KPNA5: variants seen among roughly 807,000 people sequenced by gnomAD.
KPNA5 encodes the protein importin subunit alpha-6.
KPNA5 carries 46 observed loss-of-function variants against 71.3 expected under a neutral mutation model. The observed-to-expected ratio is 0.65, with a 90% CI of 0.51 to 0.83. The LOEUF (loss-of-function observed/expected upper bound fraction) is 0.83, where lower values mean the gene tolerates loss of function less well. Among genes scored for constraint, KPNA5 ranks in the 40% least tolerant of loss-of-function variants. KPNA5 has a pLI of 0.00. For missense variants in KPNA5, 547 were observed against 628.3 expected (o/e 0.87, Z 1.38); for synonymous variants, 207 against 201.4 (o/e 1.03, Z -0.24).
intron 4 of KPNA5, among the ~76,000 whole-genome samples, chr6:116,698,283 G>A (rs1778103571): frequency 6.6e-6 from 1 of 151,962 alleles, no homozygotes; most frequent in Admixed American, 6.6e-5. Context: ...AAAGAATCTT[G>A]TTTGACAGAC....
chr6:116,732,346 A>T lies in KPNA5; in HGVS notation c.*23A>T, dbSNP rs377543275. ...TAACTTACTGGAGGAAAAAAAATTTATGGCTAAAAAGGGTAGCTTCAGGTA... is the reference window on the plus strand; with the variant it reads ...TAACTTACTGGAGGAAAAAAAATTTTTGGCTAAAAAGGGTAGCTTCAGGTA... On this transcript the variant is annotated 3_prime_UTR_variant, in exon 14 of 14. Coordinates refer to ENST00000368564, the MANE Select transcript of KPNA5 (RefSeq NM_001366306.2). 7.1e-7 allele frequency: 1 copy of T among 1,417,076 alleles called. No homozygotes were observed. Among genetic ancestry groups the T allele is most frequent in the Admixed American group, 2.4e-5 (1 of 42,272 alleles). The allele number at this position is 1,417,076 out of a possible 1,614,324, so 87.8% of individuals were successfully genotyped here.
At chr6:116,713,485 TTCTG>T (rs1778779406) in intron 7 of KPNA5, among the ~76,000 whole-genome samples, 1 of 152,200 alleles carries the variant, frequency 6.6e-6, no homozygotes, top group Non-Finnish European at 1.5e-5. Context: ...GCTTTCAAGA[TTCTG>T]TCTTTGTCTT....
chr6:116,726,554 T>C lies in KPNA5; in HGVS notation c.1185T>C (p.Phe395=). The C allele has an allele frequency of 6.2e-7, 1 of 1,612,568 alleles. No homozygotes were observed. Among genetic ancestry groups the C allele is most frequent in the Middle Eastern group, 1.7e-4 (1 of 6,050 alleles). ...VLIEILQKAE[F]RTRKEAAWAI... is the part of the protein sequence containing the mutation. ...TTGAGATTCTTCAGAAAGCAGAGTT[T>C]CGTACCAGAAAAGAAGCAGCTTGGG... Residue 395 remains phenylalanine (F), a synonymous_variant, in exon 12 of 14, where the codon TTT becomes TTC. Transcript: ENST00000368564.
At position 116,737,337 on chromosome 6, in the gene KPNA5, C is replaced by G. The variant is rs939339649; in HGVS notation, c.*5014C>G. Reference sequence around the variant, plus strand: ...TTTCCCCTTGTGCTTTCAGGTGATTCTTTAGAAGGCCTTGGGTAGTAGTCA... The same window carrying G: ...TTTCCCCTTGTGCTTTCAGGTGATTGTTTAGAAGGCCTTGGGTAGTAGTCA... On this transcript the variant is annotated 3_prime_UTR_variant, in exon 14 of 14. Transcript: ENST00000368564. The G allele has an allele frequency of 1.1e-4, 17 of 151,990 alleles. No individual in the cohort carries two copies. The highest frequency in any genetic ancestry group is 4.1e-4 in the African/African-American group (17 of 41,414). The allele number at this position is 151,990 out of a possible 1,614,324, so 9.4% of individuals were successfully genotyped here. A position where few individuals can be genotyped will look rare whatever the true frequency, so the allele number is the denominator to read the frequency against.
intron 1 of KPNA5, among the ~76,000 whole-genome samples, chr6:116,684,101 C>A (rs1213048622): frequency 6.6e-6 from 1 of 151,452 alleles, no homozygotes; most frequent in African/African-American, 2.4e-5. Flanking sequence ...TCAGTAGAGA[C>A]AGGGTTTCAC....
chr6:116,694,623 TAAG>T (rs1156876733), intron 4 of KPNA5, among the ~76,000 whole-genome samples: 1 of 152,188 alleles, frequency 6.6e-6, no homozygotes, highest in African/African-American at 2.4e-5. Context: ...CTTATCAGCT[TAAG>T]GAGATTTTGG....
At chr6:116,730,628 C>T (rs1384455314) in intron 13 of KPNA5, among the ~76,000 whole-genome samples, 1 of 152,150 alleles carries the variant, frequency 6.6e-6, no homozygotes, top group Non-Finnish European at 1.5e-5. Context: ...ATTTTGCTTT[C>T]CAAAGGCCTG....
intron 7 of KPNA5, among the ~76,000 whole-genome samples, chr6:116,712,874 T>G (rs1387659023): frequency 6.6e-6 from 1 of 152,172 alleles, no homozygotes; most frequent in Non-Finnish European, 1.5e-5. Context: ...TAATGTACCC[T>G]AAGGAGTATA....
chr6:116,692,690 A>G (rs1033820286), intron 4 of KPNA5, among the ~76,000 whole-genome samples: 5 of 152,050 alleles, frequency 3.3e-5, no homozygotes, highest in Admixed American at 6.6e-5. Context: ...TCTTGTAGAA[A>G]TATTTTTCAG....
At position 116,732,524 on chromosome 6, in the gene KPNA5, T is replaced by C; in HGVS notation, c.*201T>C. On this transcript the variant is annotated 3_prime_UTR_variant, in exon 14 of 14. Transcript: ENST00000368564. Reference sequence around the variant, plus strand: ...TGTTGTTGTTTTAGTTTTGTTGTTGTGCCTGTATTTATATCTTCTATTGTT... The same window carrying C: ...TGTTGTTGTTTTAGTTTTGTTGTTGCGCCTGTATTTATATCTTCTATTGTT... 2 of 277,642 alleles carry C rather than the reference T, an allele frequency of 7.2e-6. No homozygotes were observed. Among genetic ancestry groups the C allele is most frequent in the Non-Finnish European group, 6.8e-6 (1 of 147,842 alleles). The allele number at this position is 277,642 out of a possible 1,614,324, so 17.2% of individuals were successfully genotyped here.
rs1290172255 is a variant in KPNA5, at chr6:116,733,431, A to T, written c.*1108A>T. On this transcript the variant is annotated 3_prime_UTR_variant, in exon 14 of 14. Coordinates refer to ENST00000368564, the MANE Select transcript of KPNA5 (RefSeq NM_001366306.2). ...CTTTAATATGGTTCAAATCTATAAG[A>T]CTTTTTTCTTTTAGTAATACTCAGA... 6.6e-6 allele frequency: 1 copy of T among 151,668 alleles called. No individual in the cohort carries two copies. The highest frequency in any genetic ancestry group is 1.5e-5 in the Non-Finnish European group (1 of 67,686). The allele number at this position is 151,668 out of a possible 1,614,324, so 9.4% of individuals were successfully genotyped here.
At chr6:116,729,309 T>C (rs939799076) in intron 12 of KPNA5, among the ~76,000 whole-genome samples, 2 of 151,914 alleles carry the variant, frequency 1.3e-5, no homozygotes, top group African/African-American at 4.8e-5. Flanking sequence ...TTTGTGTCTG[T>C]ATTTTATAGT....
chr6:116,705,102 G>A lies in KPNA5; in HGVS notation c.598G>A (p.Asp200Asn). ...TTGGGCACTTGGTAATATTGCTGGTGACAATGCAGAATGCAGAGATTTTGT... is the reference window on the plus strand; with the variant it reads ...TTGGGCACTTGGTAATATTGCTGGTAACAATGCAGAATGCAGAGATTTTGT... Reference protein sequence around the residue: ...AVWALGNIAGDNAECRDFVLN... With the variant: ...AVWALGNIAGNNAECRDFVLN... The change falls in exon 7 of 14, where the codon GAC becomes AAC. Residue 200 changes from aspartate (D) to asparagine (N), a missense_variant. Transcript: ENST00000368564. 6.2e-7 allele frequency: 1 copy of A among 1,612,056 alleles called. No individual in the cohort carries two copies. The highest frequency in any genetic ancestry group is 1.3e-5 in the African/African-American group (1 of 74,820).
chr6:116,731,627 G>A (rs1315635514), intron 13 of KPNA5, among the ~76,000 whole-genome samples: 3 of 151,878 alleles, frequency 2.0e-5, no homozygotes, highest in East Asian at 1.9e-4. Flanking sequence ...CTTTTAAACC[G>A]CACAACAGCC....
intron 8 of KPNA5, among the ~76,000 whole-genome samples, chr6:116,719,077 C>T (rs1350956291): frequency 6.6e-6 from 1 of 152,190 alleles, no homozygotes; most frequent in Non-Finnish European, 1.5e-5. Flanking sequence ...AGCCACCACA[C>T]CAAGCCGGAA....
chr6:116,726,319 A>G (rs1056299852), intron 11 of KPNA5, among the ~76,000 whole-genome samples, 176 bp from the exon 12 acceptor site: 4 of 152,028 alleles, frequency 2.6e-5, no homozygotes, highest in African/African-American at 9.7e-5. Flanking sequence ...CTAATTTCCT[A>G]TGTAAAAAGA....
rs373278800 is a variant in KPNA5, at chr6:116,740,250, C to T, written c.*7927C>T. 0.011 allele frequency: 1,652 copies of T among 152,216 alleles called. 32 individuals are homozygous for T. The highest frequency in any genetic ancestry group is 0.038 in the African/African-American group (1,592 of 41,520). 9.4% of individuals were successfully genotyped at this position (152,216 alleles called of 1,614,324 possible). ...CAAAAAACACATGAAAAAATGCTCA[C>T]CATCACTGGCCATCAGACAAATGCA... is the stretch of plus-strand genomic sequence containing the variant. On this transcript the variant is annotated 3_prime_UTR_variant, in exon 14 of 14. Coordinates refer to ENST00000368564, the MANE Select transcript of KPNA5 (RefSeq NM_001366306.2).
chr6:116,731,597 T>C (rs1779484236), intron 13 of KPNA5, among the ~76,000 whole-genome samples: 1 of 152,168 alleles, frequency 6.6e-6, no homozygotes, highest in Non-Finnish European at 1.5e-5. Flanking sequence ...GCCTTTCAGT[T>C]TCAATTGTAG....
At chr6:116,729,153 A>G in intron 12 of KPNA5, among the ~76,000 whole-genome samples, 1 of 83,732 alleles carries the variant, frequency 1.2e-5, no homozygotes. Flanking sequence ...CCCCCATATG[A>G]CCTCCGTGTG....
Sources: allele counts gnomAD v4.1 joint callset (sites outside exome capture counted in the v4.1 genomes callset), GRCh38; gene constraint gnomAD v4.1.1; transcripts MANE v1.5; gene names NCBI Gene and HGNC (gene_info 2026-07-23, HGNC 2026-07-21).